ZNG1E: variants seen among roughly 807,000 people sequenced by gnomAD.
ZNG1E encodes zinc-regulated GTPase metalloprotein activator 1E.
At chr9:65,710,891 G>A in the ZNG1E span, among the ~76,000 whole-genome samples, 2 of 146,468 alleles carry the variant, frequency 1.4e-5, no homozygotes, top group African/African-American at 2.6e-5. Flanking sequence ...ATTGTGTGAA[G>A]AAAGTCATTG....
At chr9:65,665,011 T>A in the ZNG1E span, among the ~76,000 whole-genome samples, 1,722 of 151,304 alleles carry the variant, frequency 0.011, 2 homozygotes, top group African/African-American at 0.04. Context: ...GTGACTTGGG[T>A]GCTGTTAAAG....
the ZNG1E span, among the ~76,000 whole-genome samples, chr9:65,713,854 G>C: frequency 6.6e-6 from 1 of 150,700 alleles, no homozygotes; most frequent in Non-Finnish European, 1.5e-5. Flanking sequence ...TCTTCTCGAG[G>C]AGTATCTTTG....
At chr9:65,716,544 G>C in the ZNG1E span, among the ~76,000 whole-genome samples, 1 of 146,024 alleles carries the variant, frequency 6.8e-6, no homozygotes, top group Non-Finnish European at 1.5e-5. Context: ...CCTTCAGTCT[G>C]TGGTATTGTT....
chr9:65,676,601 C>G, the ZNG1E span, among the ~76,000 whole-genome samples: 1 of 151,364 alleles, frequency 6.6e-6, no homozygotes, highest in African/African-American at 2.4e-5. Flanking sequence ...AGCCAAAGTC[C>G]TCCAGCCAGT....
the ZNG1E span, among the ~76,000 whole-genome samples, chr9:65,709,520 A>C: frequency 8.8e-6 from 1 of 113,312 alleles, no homozygotes; most frequent in Non-Finnish European, 1.7e-5. Context: ...AACCCACAAC[A>C]GTCCCCAGAG....
the ZNG1E span, among the ~76,000 whole-genome samples, chr9:65,689,497 A>C: frequency 7.0e-6 from 1 of 141,976 alleles, no homozygotes; most frequent in East Asian, 2.0e-4. Flanking sequence ...TTGTCCATTC[A>C]TCTTTACTCC....
chr9:65,721,416 G>C, the ZNG1E span, among the ~76,000 whole-genome samples: 37 of 146,164 alleles, frequency 2.5e-4, no homozygotes, highest in East Asian at 3.7e-3. Context: ...CTCCAGGATT[G>C]GGACTTGGGT....
At chr9:65,691,592 C>A in the ZNG1E span, among the ~76,000 whole-genome samples, 633 of 151,080 alleles carry the variant, frequency 4.2e-3, no homozygotes, top group African/African-American at 0.015. Flanking sequence ...TTAAAAAAAA[C>A]AATGCTTTGT....
At chr9:65,681,145 G>T in the ZNG1E span, among the ~76,000 whole-genome samples, 1 of 151,770 alleles carries the variant, frequency 6.6e-6, no homozygotes, top group Non-Finnish European at 1.5e-5. Context: ...TCAGCAGTTT[G>T]TCTAACAGAA....
At chr9:65,678,592 A>G in the ZNG1E span, among the ~76,000 whole-genome samples, 13 of 146,562 alleles carry the variant, frequency 8.9e-5, 2 homozygotes, top group African/African-American at 3.4e-4. Context: ...CTACAATACT[A>G]TGCAGTTAGG....
the ZNG1E span, among the ~76,000 whole-genome samples, chr9:65,679,702 G>T: frequency 6.6e-6 from 1 of 152,264 alleles, no homozygotes; most frequent in Non-Finnish European, 1.5e-5. Flanking sequence ...CTACAGGCAT[G>T]CGCCACCATG....
the ZNG1E span, among the ~76,000 whole-genome samples, chr9:65,687,852 G>GT: frequency 2.0e-3 from 292 of 149,588 alleles, no homozygotes; most frequent in African/African-American, 6.8e-3. Flanking sequence ...TTGAAATTCA[G>GT]TAATATAAAC....
the ZNG1E span, among the ~76,000 whole-genome samples, chr9:65,659,587 A>T: frequency 2.6e-5 from 4 of 151,936 alleles, no homozygotes; most frequent in Non-Finnish European, 4.4e-5. Context: ...ACAAATATTC[A>T]TCTCTACATT....
the ZNG1E span, among the ~76,000 whole-genome samples, chr9:65,678,913 G>T: frequency 7.1e-6 from 1 of 140,456 alleles, no homozygotes; most frequent in Admixed American, 7.4e-5. Flanking sequence ...TTTAGGGAAG[G>T]TTAGGCTAGG....
chr9:65,665,403 C>T, the ZNG1E span, among the ~76,000 whole-genome samples: 1 of 152,276 alleles, frequency 6.6e-6, no homozygotes, highest in Non-Finnish European at 1.5e-5. Context: ...GCCTTGGCAG[C>T]TTCCACATGG....
At chr9:65,716,648 A>T in the ZNG1E span, among the ~76,000 whole-genome samples, 1 of 141,514 alleles carries the variant, frequency 7.1e-6, no homozygotes, top group Non-Finnish European at 1.5e-5. Context: ...GAAAAATTAA[A>T]TTTGCATGTA....
chr9:65,672,520 T>G, the ZNG1E span, among the ~76,000 whole-genome samples: 1 of 150,694 alleles, frequency 6.6e-6, no homozygotes, highest in Non-Finnish European at 1.5e-5. Context: ...CTAAGGTGGA[T>G]GGATCAGGAG....
chr9:65,658,048 G>A, the ZNG1E span, among the ~76,000 whole-genome samples: 4 of 151,034 alleles, frequency 2.6e-5, no homozygotes, highest in South Asian at 2.1e-4. Flanking sequence ...GCAGTGAGCC[G>A]AGACCGCACC....
the ZNG1E span, among the ~76,000 whole-genome samples, chr9:65,687,580 T>C: frequency 6.6e-6 from 1 of 152,028 alleles, no homozygotes; most frequent in Non-Finnish European, 1.5e-5. Flanking sequence ...TTTCTCCTTT[T>C]ATTAGGAAGA....
Sources: gnomAD v4.1 joint callset for allele counts (sites outside exome capture counted in the v4.1 genomes callset) on GRCh38, gnomAD v4.1.1 for gene constraint, MANE v1.5 for transcripts, NCBI Gene and HGNC (gene_info 2026-07-23, HGNC 2026-07-21) for gene names.